SGCZ: variants seen among roughly 807,000 people sequenced by gnomAD.
The protein encoded by SGCZ is sarcoglycan zeta.
Under a neutral mutation model 41.3 loss-of-function variants are expected in SGCZ, and 40 were observed. The observed-to-expected ratio is 0.97, with a 90% confidence interval of 0.75 to 1.26. The LOEUF (loss-of-function observed/expected upper bound fraction) is 1.26. Ranked by LOEUF, SGCZ falls within the 50% of genes most tolerant of loss-of-function variation. The pLI is 0.00. For missense variants in SGCZ, 552 were observed against 369.8 expected, an observed-to-expected ratio of 1.49 and a Z score of -4.04; for synonymous variants, 206 against 137.5, an observed-to-expected ratio of 1.50 and a Z score of -3.49.
intron 1 of SGCZ, among the ~76,000 whole-genome samples, chr8:14,590,935 T>A (rs958524132): frequency 2.7e-5 from 4 of 150,366 alleles, no homozygotes; most frequent in Non-Finnish European, 5.9e-5. Context: ...ATATGTGCTA[T>A]ATAATGTATA....
At position 14,324,166 on chromosome 8, in the gene SGCZ, G is replaced by A. The variant is rs545610319; in HGVS notation, c.273C>T (p.Ile91=). Residue 91 remains isoleucine (I), a synonymous_variant, in exon 3 of 8, where the codon ATC becomes ATT. Coordinates refer to ENST00000382080, the MANE Select transcript of SGCZ (RefSeq NM_139167.4). ...GAAACTCAGATATACCTTCAAGTCG[G>A]ATTCCCTTCTTGGTGACTCTCAGAT... ...MGNLRVTKKG[I]RLEGISEFLL... The A allele has an allele frequency of 1.2e-6, 2 of 1,612,878 alleles. No individual in the cohort carries two copies. The highest frequency in any genetic ancestry group is 3.3e-5 in the Admixed American group (2 of 59,946).
chr8:15,199,819 A>G (rs1047445891), intron 1 of SGCZ, among the ~76,000 whole-genome samples: 1 of 152,172 alleles, frequency 6.6e-6, no homozygotes, highest in African/African-American at 2.4e-5. Flanking sequence ...ACTGTATTAA[A>G]CCTTTGCGGA....
intron 1 of SGCZ, among the ~76,000 whole-genome samples, chr8:14,646,985 A>G (rs541469015): frequency 2.2e-4 from 33 of 152,028 alleles, no homozygotes; most frequent in African/African-American, 7.7e-4. Flanking sequence ...AGCCTGGAAA[A>G]TTTAGGTCGT....
intron 1 of SGCZ, among the ~76,000 whole-genome samples, chr8:14,899,872 AG>A (rs747555650): frequency 5.3e-5 from 8 of 151,830 alleles, no homozygotes; most frequent in Non-Finnish European, 8.8e-5. Flanking sequence ...GAAGAAGAGG[AG>A]GAGGAGAGGA....
chr8:14,819,010 C>T (rs1801988859), intron 1 of SGCZ, among the ~76,000 whole-genome samples: 1 of 151,682 alleles, frequency 6.6e-6, no homozygotes, highest in Non-Finnish European at 1.5e-5. Flanking sequence ...TGAAAACATT[C>T]TATGTATTGG....
intron 2 of SGCZ, among the ~76,000 whole-genome samples, chr8:14,426,172 T>C (rs1047849272): frequency 1.9e-4 from 29 of 152,098 alleles, no homozygotes; most frequent in African/African-American, 7.0e-4. Context: ...AATAAGCAAA[T>C]TTATCTTCCA....
intron 3 of SGCZ, among the ~76,000 whole-genome samples, chr8:14,321,900 A>G (rs2117026711): frequency 6.6e-6 from 1 of 152,260 alleles, no homozygotes; most frequent in Non-Finnish European, 1.5e-5. Context: ...CTAAGAGTTA[A>G]GCACTTTGAT....
intron 1 of SGCZ, among the ~76,000 whole-genome samples, chr8:14,723,722 A>G (rs547327838): frequency 6.6e-6 from 1 of 152,198 alleles, no homozygotes; most frequent in South Asian, 2.1e-4. Context: ...ATATGTCTAT[A>G]TAGTGCATCT....
intron 2 of SGCZ, among the ~76,000 whole-genome samples, chr8:14,433,414 T>A (rs894143898): frequency 2.6e-5 from 4 of 152,190 alleles, no homozygotes; most frequent in African/African-American, 9.7e-5. Context: ...TGCAATCATT[T>A]GGTAAGAACT....
chr8:14,369,276 C>G (rs1175153168), intron 2 of SGCZ, among the ~76,000 whole-genome samples: 1 of 151,984 alleles, frequency 6.6e-6, no homozygotes, highest in African/African-American at 2.4e-5. Context: ...CCATGTCTCT[C>G]CTTTGACTCT....
chr8:14,278,028 C>T (rs1800296224), intron 3 of SGCZ, among the ~76,000 whole-genome samples: 1 of 152,130 alleles, frequency 6.6e-6, no homozygotes, highest in African/African-American at 2.4e-5. Context: ...ATTCATCTGC[C>T]TAATAAGACT....
intron 1 of SGCZ, among the ~76,000 whole-genome samples, chr8:14,711,641 C>G (rs138578388): frequency 7.0e-6 from 1 of 143,320 alleles, no homozygotes. Flanking sequence ...GTCCCTTGTA[C>G]GGAAAAAAAT....
rs1478502677 is a variant in SGCZ at position 15,238,339 on chromosome 8, G to C, written c.-716C>G. On this transcript the variant is annotated 5_prime_UTR_variant, in exon 1 of 8. Transcript: ENST00000382080. The stretch of plus-strand genomic sequence containing the variant: ...AGAGAAAAAGAGGGAGAGAAAGAGA[G>C]AGGGAGAGAAAAATTTTCCTCCTGC... 6.6e-6 allele frequency: 1 copy of C among 152,266 alleles called. No individual in the cohort carries two copies. The highest frequency in any genetic ancestry group is 1.5e-5 in the Non-Finnish European group (1 of 68,076). 9.4% of individuals were successfully genotyped at this position (152,266 alleles called of 1,614,324 possible).
At position 15,237,773 on chromosome 8, in the gene SGCZ, A is replaced by G; in HGVS notation, c.-150T>C. 1.5e-6 allele frequency: 1 copy of G among 662,892 alleles called. No homozygotes were observed. The allele number at this position is 662,892 out of a possible 1,614,324, so 41.1% of individuals were successfully genotyped here. A position where few individuals can be genotyped will look rare whatever the true frequency, so the allele number is the denominator to read the frequency against. On this transcript the variant is annotated 5_prime_UTR_variant, in exon 1 of 8. Transcript: ENST00000382080. ...CATTCTCCGTGGTCACGCCGCCTCC[A>G]CCGGGTTAAAAATAAGGAAAATAAA...
intron 2 of SGCZ, among the ~76,000 whole-genome samples, chr8:14,437,679 C>T (rs1800132625): frequency 6.6e-6 from 1 of 151,576 alleles, no homozygotes; most frequent in African/African-American, 2.4e-5. Flanking sequence ...CAAAAGGGAC[C>T]TGAGACCATC....
At chr8:14,219,085 T>A (rs1443258661) in intron 4 of SGCZ, among the ~76,000 whole-genome samples, 1 of 152,226 alleles carries the variant, frequency 6.6e-6, no homozygotes, top group Non-Finnish European at 1.5e-5. Context: ...TCTTTTGAAG[T>A]GCCCTCTTAC....
intron 3 of SGCZ, among the ~76,000 whole-genome samples, chr8:14,284,580 T>C (rs1044086069): frequency 3.9e-5 from 6 of 152,236 alleles, no homozygotes; most frequent in African/African-American, 1.2e-4. Flanking sequence ...TGTCTTCTAA[T>C]TGGAGCTTTA....
chr8:14,604,647 C>T (rs538248761), intron 1 of SGCZ, among the ~76,000 whole-genome samples: 55 of 152,120 alleles, frequency 3.6e-4, no homozygotes, highest in Non-Finnish European at 7.2e-4. Context: ...TAGAATGCCA[C>T]AGCTCATAGT....
At chr8:15,210,424 A>G (rs1313914853) in intron 1 of SGCZ, among the ~76,000 whole-genome samples, 3 of 151,848 alleles carry the variant, frequency 2.0e-5, no homozygotes, top group African/African-American at 7.3e-5. Context: ...TCCTTCTCCA[A>G]TTTCCCACTG....
Sources: gnomAD v4.1 joint callset for allele counts (sites outside exome capture counted in the v4.1 genomes callset) on GRCh38, gnomAD v4.1.1 for gene constraint, MANE v1.5 for transcripts, NCBI Gene and HGNC (gene_info 2026-07-23, HGNC 2026-07-21) for gene names.